Variants in NBEA observed in about 807,000 individuals in gnomAD.
The protein encoded by NBEA is neurobeachin.
A neutral mutation model predicts 343.4 loss-of-function variants in NBEA; 44 were observed. That is an observed-to-expected ratio of 0.13 (90% confidence interval 0.10 to 0.16). The LOEUF is 0.16. Ranked by LOEUF, NBEA falls within the 10% of genes least tolerant of loss-of-function variation. The pLI is 1.00. For synonymous variants in NBEA, 1,175 were observed against 1,238.7 expected, an observed-to-expected ratio of 0.95 and a Z score of 1.08; for missense variants, 2,555 against 3,631.3, an observed-to-expected ratio of 0.70 and a Z score of 7.62.
At chr13:35,098,087 T>A (rs1240987323) in intron 10 of NBEA, among the ~76,000 whole-genome samples, 1 of 152,166 alleles carries the variant, frequency 6.6e-6, no homozygotes, top group African/African-American at 2.4e-5. Context: ...ATTCAGTTTA[T>A]TATATTTAAT....
At chr13:35,442,589 G>A (rs1281927460) in intron 39 of NBEA, among the ~76,000 whole-genome samples, 2 of 151,980 alleles carry the variant, frequency 1.3e-5, no homozygotes, top group African/African-American at 4.8e-5. Context: ...CTTATATAGT[G>A]CTTCACTTAA....
chr13:35,392,514 A>G (rs2042555023), intron 38 of NBEA, among the ~76,000 whole-genome samples: 1 of 149,604 alleles, frequency 6.7e-6, no homozygotes, highest in Non-Finnish European at 1.5e-5. Context: ...TCCCACTTAG[A>G]GTCAATATTC....
chr13:35,426,635 C>G (rs938677295), intron 38 of NBEA, among the ~76,000 whole-genome samples: 2 of 152,084 alleles, frequency 1.3e-5, no homozygotes, highest in African/African-American at 2.4e-5. Flanking sequence ...TGGAGTTGCT[C>G]TTCTCGAGGA....
At chr13:35,176,881 TAACTC>T (rs1400556508) in intron 27 of NBEA, 110 bp from the exon 28 acceptor site, 3 of 641,216 alleles carry the variant, frequency 4.7e-6, no homozygotes, top group South Asian at 4.1e-5. Flanking sequence ...CAATAAATGT[TAACTC>T]AGAGAGGTGG....
chr13:35,356,832 G>C (rs1386470196), intron 38 of NBEA, among the ~76,000 whole-genome samples: 1 of 152,050 alleles, frequency 6.6e-6, no homozygotes, highest in Non-Finnish European at 1.5e-5. Flanking sequence ...TTTGTATGCT[G>C]TTCCTTCTGC....
chr13:35,452,863 C>G (rs569190373), intron 40 of NBEA, among the ~76,000 whole-genome samples: 5 of 152,284 alleles, frequency 3.3e-5, no homozygotes, highest in Admixed American at 3.3e-4. Context: ...CTTTGAGAAT[C>G]TGATGAAAGC....
In NBEA at chr13:34,995,442, A is replaced by C. The variant is rs76551071; in HGVS notation, c.295-45491A>C. ...TCTCAAGAAAAAAAAAAAAAGAAAA[A>C]CTTTAAGCATGTTTAACTTTATCAG... is the stretch of plus-strand genomic sequence containing the variant. On this transcript the variant is annotated intron_variant, in intron 1 of 58. Coordinates refer to ENST00000379939, the MANE Select transcript of NBEA (RefSeq NM_001385012.1). 8.7e-3 allele frequency among the ~76,000 whole-genome samples: 1,325 copies of C among 152,102 alleles called. 20 individuals are homozygous for C. Among genetic ancestry groups the C allele is most frequent in the African/African-American group, 0.03 (1,250 of 41,478 alleles).
intron 11 of NBEA, among the ~76,000 whole-genome samples, chr13:35,108,705 A>G (rs1014900374): frequency 9.9e-5 from 15 of 151,936 alleles, no homozygotes; most frequent in South Asian, 2.1e-4. Flanking sequence ...TTTGGTTTCA[A>G]TTTTGGAGAG....
At position 35,347,038 on chromosome 13, in the gene NBEA, A is replaced by G. The variant is rs191396624; in HGVS notation, c.5904-2070A>G. Reference sequence around the variant, plus strand: ...ATTCAACCTTGATATTAGAAAGAACAAATAAATCCAGTATAGTCACACTCA... The same window carrying G: ...ATTCAACCTTGATATTAGAAAGAACGAATAAATCCAGTATAGTCACACTCA... On this transcript the variant is annotated intron_variant, in intron 36 of 58. Transcript: ENST00000379939. Among the ~76,000 whole-genome samples the G allele has an allele frequency of 5.6e-3, 846 of 152,292 alleles. 10 individuals are homozygous for G. Among genetic ancestry groups the G allele is most frequent in the African/African-American group, 0.019 (806 of 41,588 alleles).
At chr13:35,000,593 AACACAC>A (rs58091499) in intron 1 of NBEA, among the ~76,000 whole-genome samples, 1 of 147,758 alleles carries the variant, frequency 6.8e-6, no homozygotes. Flanking sequence ...TAATATATAT[AACACAC>A]ACACACACAC....
chr13:35,515,559 T>G (rs895818415), intron 41 of NBEA, among the ~76,000 whole-genome samples: 3 of 152,174 alleles, frequency 2.0e-5, no homozygotes, highest in Non-Finnish European at 1.5e-5. Context: ...ACCAAAATGG[T>G]TTTTTCCATG....
At chr13:35,592,242 G>A (rs1343289) in intron 46 of NBEA, among the ~76,000 whole-genome samples, 34,263 of 151,946 alleles carry the variant, frequency 0.23, 4,041 homozygotes, top group African/African-American at 0.25. Context: ...GTCACAGAAT[G>A]CAAAAAGGTC....
chr13:35,618,140 A>C (rs2082818759), intron 48 of NBEA, among the ~76,000 whole-genome samples: 1 of 152,184 alleles, frequency 6.6e-6, no homozygotes, highest in Non-Finnish European at 1.5e-5. Flanking sequence ...AATGAGCCTA[A>C]AGTATAAAAT....
intron 1 of NBEA, among the ~76,000 whole-genome samples, chr13:35,011,235 G>A (rs2061486259): frequency 6.6e-6 from 1 of 152,118 alleles, no homozygotes. Flanking sequence ...AGTAAGAATG[G>A]TGGAGGAGGT....
At chr13:35,007,485 C>T (rs1290996972) in intron 1 of NBEA, among the ~76,000 whole-genome samples, 1 of 151,994 alleles carries the variant, frequency 6.6e-6, no homozygotes, top group Non-Finnish European at 1.5e-5. Flanking sequence ...CTGAAATCTT[C>T]AATCTTTTTT....
chr13:35,368,505 A>G (rs1211076842), intron 38 of NBEA, among the ~76,000 whole-genome samples: 2 of 151,682 alleles, frequency 1.3e-5, no homozygotes, highest in Non-Finnish European at 3.0e-5. Flanking sequence ...TCATGCCAAT[A>G]AAATATTTTT....
chr13:34,982,506 G>T (rs372031975), intron 1 of NBEA, among the ~76,000 whole-genome samples: 5 of 152,098 alleles, frequency 3.3e-5, no homozygotes, highest in African/African-American at 1.2e-4. Flanking sequence ...TCACCATGTT[G>T]GCCAGGCTGG....
chr13:35,497,194 G>A (rs1396388547), intron 41 of NBEA, among the ~76,000 whole-genome samples: 2 of 151,966 alleles, frequency 1.3e-5, no homozygotes, highest in Non-Finnish European at 2.9e-5. Flanking sequence ...ATTCACTCAG[G>A]GCCTAAGGAA....
At chr13:34,962,590 GTTTGT>G (rs1206613588) in intron 1 of NBEA, among the ~76,000 whole-genome samples, 1 of 152,032 alleles carries the variant, frequency 6.6e-6, no homozygotes, top group African/African-American at 2.4e-5. Context: ...AAATGTTGGA[GTTTGT>G]TTTAAGTACA....
Sources: gnomAD v4.1 joint callset for allele counts (sites outside exome capture counted in the v4.1 genomes callset) on GRCh38, gnomAD v4.1.1 for gene constraint, MANE v1.5 for transcripts, NCBI Gene and HGNC (gene_info 2026-07-23, HGNC 2026-07-21) for gene names.